The following CDKL5 variants were observed in gnomAD, a reference collection of about 807,000 sequenced individuals.
CDKL5 encodes the protein cyclin-dependent kinase-like 5.
Under a neutral mutation model 61.7 loss-of-function variants are expected in CDKL5, and 8 were observed. That is an observed-to-expected ratio of 0.13 (90% CI 0.08 to 0.23). The LOEUF (loss-of-function observed/expected upper bound fraction) is 0.23, where lower values mean the gene tolerates loss of function less well. Ranked by LOEUF, CDKL5 falls within the 10% of genes least tolerant of loss-of-function variation. CDKL5 has a pLI of 1.00. For missense variants in CDKL5, 440 were observed against 734.5 expected (o/e 0.60, Z 4.63); for synonymous variants, 275 against 272.3 (o/e 1.01, Z -0.10).
At chrX:18,434,211 G>A (rs2052409730) in intron 1 of CDKL5, among the ~76,000 whole-genome samples, 1 of 111,837 alleles carries the variant, frequency 8.9e-6, no homozygotes, top group South Asian at 3.7e-4. Context: ...GCTTAGGGAT[G>A]TTATTTTTTT....
At chrX:18,493,323 T>C (rs1281551537) in intron 1 of CDKL5, among the ~76,000 whole-genome samples, 1 of 112,326 alleles carries the variant, frequency 8.9e-6, no homozygotes, top group Non-Finnish European at 1.9e-5. Context: ...TTTTCTTTAC[T>C]GTTATGTCCC....
rs529850269 is a variant in CDKL5 at position 18,510,706 on chromosome X, A to G, written c.65-114A>G. On this transcript the variant is annotated intron_variant, in intron 2 of 17. Coordinates refer to ENST00000623535, the MANE Select transcript of CDKL5 (RefSeq NM_001323289.2). ...TGTGGCTCATTATTGCATTATCACTATAGAATCTTGTCACTTTAGTAGTCA... is the reference window on the plus strand; with the variant it reads ...TGTGGCTCATTATTGCATTATCACTGTAGAATCTTGTCACTTTAGTAGTCA... 2,717 of 601,607 alleles carry G rather than the reference A, an allele frequency of 4.5e-3. 10 individuals carry two copies. Among genetic ancestry groups the G allele is most frequent in the Middle Eastern group, 0.01 (32 of 3,055 alleles). 49.6% of individuals were successfully genotyped at this position (601,607 alleles called of 1,213,427 possible). A position where few individuals can be genotyped will look rare whatever the true frequency, so the allele number is the denominator to read the frequency against.
rs142103529 is a variant in CDKL5, at chrX:18,544,041, T to A, written c.100-20436T>A. Among the ~76,000 whole-genome samples the A allele has an allele frequency of 6.5e-3, 727 of 111,520 alleles. 2 individuals are homozygous for A. Among genetic ancestry groups the A allele is most frequent in the Non-Finnish European group, 0.01 (533 of 53,083 alleles). ...TGGGTAGTGCTTCCCTGGCCCCAAC[T>A]CTCCAGGCTATGGTGCTTAGTAATC... is the stretch of plus-strand genomic sequence containing the variant. On this transcript the variant is annotated intron_variant, in intron 3 of 17. Coordinates refer to ENST00000623535, the MANE Select transcript of CDKL5 (RefSeq NM_001323289.2).
downstream of CDKL5, chrX:18,644,647 A>C (rs1465119457): frequency 4.2e-6 from 5 of 1,198,440 alleles, no homozygotes; most frequent in Non-Finnish European, 5.7e-6. Flanking sequence ...ATACCGAGTC[A>C]CCGAGAGACT....
At chrX:18,641,178 A>C (rs1927562650), downstream of CDKL5, 1 of 112,149 alleles carries the variant, frequency 8.9e-6, no homozygotes, top group African/African-American at 3.2e-5. Context: ...GTAAAGGGCA[A>C]TTGTACTGTG....
At chrX:18,576,275 A>G (rs1055669215) in intron 5 of CDKL5, among the ~76,000 whole-genome samples, 1 of 111,561 alleles carries the variant, frequency 9.0e-6, no homozygotes, top group Non-Finnish European at 1.9e-5. Flanking sequence ...AAAGAAAAAG[A>G]AAAAGAGAAA....
At chrX:18,565,408 T>C (rs977700421) in intron 4 of CDKL5, among the ~76,000 whole-genome samples, 2 of 112,292 alleles carry the variant, frequency 1.8e-5, no homozygotes, top group African/African-American at 6.5e-5. Flanking sequence ...TTCCTGTTCA[T>C]GTAAATGCCT....
intron 12 of CDKL5, among the ~76,000 whole-genome samples, chrX:18,607,332 A>G (rs1926398931): frequency 8.9e-6 from 1 of 112,152 alleles, no homozygotes; most frequent in Non-Finnish European, 1.9e-5. Context: ...GTCGGGAGAA[A>G]GAACCTCCAG....
At chrX:18,490,840 C>T (rs938483886) in intron 1 of CDKL5, among the ~76,000 whole-genome samples, 4 of 111,852 alleles carry the variant, frequency 3.6e-5, no homozygotes, top group East Asian at 5.6e-4. Flanking sequence ...CAAAGATTTT[C>T]GCTTGATTTT....
chrX:18,510,001 AAAAAC>A (rs996922067), intron 2 of CDKL5, among the ~76,000 whole-genome samples: 4 of 108,041 alleles, frequency 3.7e-5, no homozygotes, highest in Non-Finnish European at 5.7e-5. Context: ...AAAAAACTTA[AAAAAC>A]AAAACAAAAC....
At chrX:18,502,631 A>T (rs1282813403) in intron 1 of CDKL5, among the ~76,000 whole-genome samples, 3 of 111,307 alleles carry the variant, frequency 2.7e-5, no homozygotes, top group Admixed American at 9.6e-5. Flanking sequence ...TTCAAGAGTT[A>T]CTCTGACTTC....
At chrX:18,559,482 CAGGCA>C (rs1189412499) in intron 3 of CDKL5, among the ~76,000 whole-genome samples, 1 of 111,041 alleles carries the variant, frequency 9.0e-6, no homozygotes, top group Non-Finnish European at 1.9e-5. Context: ...GCTGGGATTA[CAGGCA>C]TGAGCCACTG....
At chrX:18,506,319 A>G (rs924750768) in intron 1 of CDKL5, among the ~76,000 whole-genome samples, 2 of 111,370 alleles carry the variant, frequency 1.8e-5, no homozygotes, top group Non-Finnish European at 3.8e-5. Flanking sequence ...CTATAGGGGT[A>G]TCATTGCTTC....
At chrX:18,475,937 TTAC>T (rs1245520930) in intron 1 of CDKL5, among the ~76,000 whole-genome samples, 1 of 112,486 alleles carries the variant, frequency 8.9e-6, no homozygotes, top group Non-Finnish European at 1.9e-5. Context: ...ACAAGTAACA[TTAC>T]TATTCCTATT....
intron 1 of CDKL5, among the ~76,000 whole-genome samples, chrX:18,465,122 T>C (rs1344425006): frequency 9.0e-6 from 1 of 111,204 alleles, no homozygotes; most frequent in Non-Finnish European, 1.9e-5. Context: ...GGAGGTTAAG[T>C]TGAATTTTGT....
chrX:18,572,424 T>G (rs182284581), intron 4 of CDKL5, among the ~76,000 whole-genome samples: 96 of 112,430 alleles, frequency 8.5e-4, no homozygotes, highest in African/African-American at 3.1e-3. Flanking sequence ...TCATAGTTTA[T>G]GGACGCTCTT....
intron 1 of CDKL5, among the ~76,000 whole-genome samples, chrX:18,491,372 G>A (rs1478198715): frequency 8.9e-6 from 1 of 111,871 alleles, no homozygotes; most frequent in Non-Finnish European, 1.9e-5. Context: ...TTTTAAATGA[G>A]GAAACAAAAG....
intron 3 of CDKL5, among the ~76,000 whole-genome samples, chrX:18,559,193 T>A (rs753445953): frequency 1.4e-4 from 16 of 111,813 alleles, no homozygotes; most frequent in Non-Finnish European, 2.4e-4. Context: ...TTAGTAAGGA[T>A]GAGGTTTTTT....
At chrX:18,543,609 A>T (rs1379821485) in intron 3 of CDKL5, among the ~76,000 whole-genome samples, 3 of 111,734 alleles carry the variant, frequency 2.7e-5, no homozygotes, top group African/African-American at 9.8e-5. Context: ...CGTTTTGTAT[A>T]ATAGTAACAT....
Sources: allele counts gnomAD v4.1 joint callset (sites outside exome capture counted in the v4.1 genomes callset), GRCh38; gene constraint gnomAD v4.1.1; transcripts MANE v1.5; gene names NCBI Gene and HGNC (gene_info 2026-07-23, HGNC 2026-07-21).